The following VSTM1 variants were observed in gnomAD, a reference collection of about 807,000 sequenced individuals.
VSTM1 encodes the protein V-set and transmembrane domain-containing protein 1.
VSTM1 carries 27 observed loss-of-function variants against 33.1 expected under a neutral mutation model. The ratio of observed to expected loss-of-function variants is 0.82; its 90% CI spans 0.60 to 1.12. The LOEUF (loss-of-function observed/expected upper bound fraction) is 1.12, where lower values mean the gene tolerates loss of function less well. Among genes scored for constraint, VSTM1 ranks in the 50% most tolerant of loss-of-function variants. VSTM1 has a pLI of 0.00. For missense variants in VSTM1, 304 were observed against 288.9 expected (o/e 1.05, Z -0.38); for synonymous variants, 115 against 110.3 (o/e 1.04, Z -0.27).
At chr19:54,041,564 G>C (rs1336655974) in intron 8 of VSTM1, among the ~76,000 whole-genome samples, 1 of 152,128 alleles carries the variant, frequency 6.6e-6, no homozygotes, top group African/African-American at 2.4e-5. Context: ...GCCTCCCAAA[G>C]TGCTGGGATT....
Position 54,063,810 on chromosome 19 carries a change from T to G in VSTM1, c.-33A>C. On this transcript the variant is annotated 5_prime_UTR_variant, in exon 1 of 9. Transcript: ENST00000338372. ...CTTCTGCCAGAACCAAGGCCCCGCCTTGGGTTTTACCCTTCAAAGGCGGAG... is the reference window on the plus strand; with the variant it reads ...CTTCTGCCAGAACCAAGGCCCCGCCGTGGGTTTTACCCTTCAAAGGCGGAG... The G allele has an allele frequency of 1.2e-6, 2 of 1,613,192 alleles. No individual in the cohort carries two copies. The highest frequency in any genetic ancestry group is 1.7e-6 in the Non-Finnish European group (2 of 1,179,668).
At position 54,042,354 on chromosome 19, in the gene VSTM1, A is replaced by T; in HGVS notation, c.410T>A (p.Phe137Tyr). 6.2e-7 allele frequency: 1 copy of T among 1,613,732 alleles called. No individual in the cohort carries two copies. Among genetic ancestry groups the T allele is most frequent in the Non-Finnish European group, 8.5e-7 (1 of 1,179,880 alleles). ...GGAGATGCAGCTGAAGATGGCGACA[A>T]AGATGGTTCTGGTGTCTGGAGGGGG... is the stretch of plus-strand genomic sequence containing the variant. ...PSMKTDTRTI[F>Y]VAIFSCISIL... Residue 137 changes from phenylalanine (F) to tyrosine (Y), a missense_variant, in exon 5 of 9, where the codon TTT (phenylalanine) becomes TAT (tyrosine). Transcript: ENST00000338372.
chr19:54,053,480 CT>C (rs2070949166), intron 3 of VSTM1, among the ~76,000 whole-genome samples: 1 of 142,796 alleles, frequency 7.0e-6, no homozygotes, highest in Non-Finnish European at 1.5e-5. Context: ...CATTTGCTCT[CT>C]CTTTCTTCTC....
chr19:54,041,683 A>G, intron 8 of VSTM1, 96 bp downstream of exon 8: 1 of 1,302,532 alleles, frequency 7.7e-7, no homozygotes, highest in South Asian at 1.3e-5. Flanking sequence ...CGTGATAAAC[A>G]GTATACATTT....
intron 1 of VSTM1, among the ~76,000 whole-genome samples, chr19:54,062,721 C>CAAAA (rs35069136): frequency 7.4e-6 from 1 of 135,366 alleles, no homozygotes; most frequent in African/African-American, 2.8e-5. Flanking sequence ...AAGACTCTGT[C>CAAAA]AAAAAAAAAA....
At chr19:54,048,702 C>T (rs1362963996) in intron 4 of VSTM1, among the ~76,000 whole-genome samples, 2 of 152,096 alleles carry the variant, frequency 1.3e-5, no homozygotes, top group African/African-American at 2.4e-5. Context: ...TAATTTACAG[C>T]GCGGAGACAA....
At position 54,058,695 on chromosome 19, in the gene VSTM1, A is replaced by C; in HGVS notation, c.70+2T>G. ...TAAAAGTTTAAGTAGGAGAAAACTC[A>C]CCATTCTTTTTCTCATCTTCGTAGC... On this transcript the variant is annotated splice_donor_variant, in intron 2 of 8. Transcript: ENST00000338372. LOFTEE classifies it high-confidence loss of function. 1 of 1,613,992 alleles carries C rather than the reference A, an allele frequency of 6.2e-7. No individual in the cohort carries two copies. The highest frequency in any genetic ancestry group is 8.5e-7 in the Non-Finnish European group (1 of 1,180,002).
At chr19:54,062,157 GA>G (rs138345845) in intron 1 of VSTM1, among the ~76,000 whole-genome samples, 56,607 of 145,880 alleles carry the variant, frequency 0.39, 11,254 homozygotes, top group Non-Finnish European at 0.45. Context: ...TCCGCCTCAA[GA>G]AAAAAAAAAA....
At chr19:54,049,670 T>C (rs1388424495) in intron 4 of VSTM1, among the ~76,000 whole-genome samples, 1 of 152,180 alleles carries the variant, frequency 6.6e-6, no homozygotes, top group Non-Finnish European at 1.5e-5. Context: ...TCAGAAAACG[T>C]TCCTGACGTG....
intron 3 of VSTM1, among the ~76,000 whole-genome samples, chr19:54,053,555 A>G (rs1378026597): frequency 7.0e-6 from 1 of 142,186 alleles, no homozygotes; most frequent in African/African-American, 2.6e-5. Flanking sequence ...CTACAGCTAT[A>G]AAGAACCAGA....
intron 4 of VSTM1, among the ~76,000 whole-genome samples, chr19:54,050,421 A>G (rs1193203551): frequency 1.3e-5 from 2 of 152,086 alleles, no homozygotes; most frequent in Non-Finnish European, 2.9e-5. Context: ...AGTTATAACA[A>G]ACTCTTGATT....
chr19:54,058,530 T>A lies in VSTM1; in HGVS notation c.131A>T (p.Asn44Ile), dbSNP rs750169746. ...WPSSVVEAES[N>I]VTLKCQAHSQ... ...ATGAGCCTGACACTTCAGGGTCACA[T>A]TGCTCTCGGCTTCAACCACCGAGCT... The change falls in exon 3 of 9, where the codon AAT becomes ATT. Residue 44 changes from asparagine (N) to isoleucine (I), a missense_variant. Coordinates refer to ENST00000338372, the MANE Select transcript of VSTM1 (RefSeq NM_198481.4). The A allele has an allele frequency of 5.6e-6, 9 of 1,612,480 alleles. No individual in the cohort carries two copies. In the Admixed American group the frequency reaches 1.5e-4, roughly 27 times the overall value.
intron 4 of VSTM1, among the ~76,000 whole-genome samples, chr19:54,043,395 G>T (rs1346089631): frequency 6.6e-6 from 1 of 151,388 alleles, no homozygotes; most frequent in African/African-American, 2.4e-5. Flanking sequence ...CTCCATATAT[G>T]TATATACATG....
In VSTM1 at chr19:54,061,443, C is replaced by T. The variant is rs901848206; in HGVS notation, c.34+2301G>A. 5.3e-5 allele frequency among the ~76,000 whole-genome samples: 8 copies of T among 152,144 alleles called. No individual in the cohort carries two copies. In the South Asian group the frequency reaches 6.2e-4, roughly 12 times the overall value. ...TTAATTAAACTAAGATGAGGTCATACTAGAGTAGGCTGGGTATCTAATCCA... is the reference window on the plus strand; with the variant it reads ...TTAATTAAACTAAGATGAGGTCATATTAGAGTAGGCTGGGTATCTAATCCA... On this transcript the variant is annotated intron_variant, in intron 1 of 8. Transcript: ENST00000338372.
chr19:54,063,660 C>T (rs1417752395), intron 1 of VSTM1, 84 bp downstream of exon 1: 7 of 1,547,356 alleles, frequency 4.5e-6, no homozygotes, highest in South Asian at 1.1e-5. Flanking sequence ...TACTTCCACA[C>T]ACCGCATTTC....
In VSTM1 at chr19:54,042,352, C is replaced by A; in HGVS notation, c.412G>T (p.Val138Phe). 1 of 1,613,576 alleles carries A rather than the reference C, an allele frequency of 6.2e-7. No homozygotes were observed. Among genetic ancestry groups the A allele is most frequent in the Non-Finnish European group, 8.5e-7 (1 of 1,179,856 alleles). The change falls in exon 5 of 9, where the codon GTC becomes TTC. Residue 138 changes from valine to phenylalanine, a missense_variant. By Grantham distance (50) the Val-to-Phe change is conservative. Transcript: ENST00000338372. ...SMKTDTRTIF[V>F]AIFSCISILL... ...ATGGAGATGCAGCTGAAGATGGCGA[C>A]AAAGATGGTTCTGGTGTCTGGAGGG...
rs772275896 is a variant in VSTM1, at chr19:54,041,766, C to T, written c.591+13G>A. 41 of 1,611,186 alleles carry T rather than the reference C, an allele frequency of 2.5e-5. No individual in the cohort carries two copies. The highest frequency in any genetic ancestry group is 3.4e-5 in the Non-Finnish European group (40 of 1,179,292). ...AGGGAGCTCTTGTGGGACTCCTAAGCGGGAGGACTCACCGAGAGAGATACC... is the reference window on the plus strand; with the variant it reads ...AGGGAGCTCTTGTGGGACTCCTAAGTGGGAGGACTCACCGAGAGAGATACC... On this transcript the variant is annotated intron_variant, in intron 8 of 8. Coordinates refer to ENST00000338372, the MANE Select transcript of VSTM1 (RefSeq NM_198481.4).
At chr19:54,056,159 C>T (rs1436835247) in intron 3 of VSTM1, among the ~76,000 whole-genome samples, 1 of 137,726 alleles carries the variant, frequency 7.3e-6, no homozygotes, top group East Asian at 2.0e-4. Flanking sequence ...GCCTCTACAC[C>T]CCAAAGCCAA....
At chr19:54,046,820 C>CCT (rs1174554633) in intron 4 of VSTM1, among the ~76,000 whole-genome samples, 1 of 152,100 alleles carries the variant, frequency 6.6e-6, no homozygotes, top group Non-Finnish European at 1.5e-5. Flanking sequence ...AGGATGGAGC[C>CCT]AAAGATACCA....
Sources: allele counts gnomAD v4.1 joint callset (sites outside exome capture counted in the v4.1 genomes callset), GRCh38; gene constraint gnomAD v4.1.1; transcripts MANE v1.5; gene names NCBI Gene and HGNC (gene_info 2026-07-23, HGNC 2026-07-21).